Variants in CALD1 observed in about 807,000 individuals in gnomAD.
The protein encoded by CALD1 is caldesmon 1.
CALD1 carries 33 observed loss-of-function variants against 99.9 expected under a neutral mutation model. The ratio of observed to expected loss-of-function variants is 0.33; its 90% CI spans 0.25 to 0.44. The LOEUF (loss-of-function observed/expected upper bound fraction) is 0.44. Among genes scored for constraint, CALD1 ranks in the 20% least tolerant of loss-of-function variants. The probability of loss-of-function intolerance (pLI) is 1.00; values close to 1 mark genes in which losing one functional copy is unlikely to be tolerated. For missense variants in CALD1, 861 were observed against 962.1 expected, an observed-to-expected ratio of 0.89 and a Z score of 1.39; for synonymous variants, 310 against 325.0, an observed-to-expected ratio of 0.95 and a Z score of 0.50.
At chr7:134,947,166 A>T (rs60609491) in intron 7 of CALD1, among the ~76,000 whole-genome samples, 7,219 of 152,280 alleles carry the variant, frequency 0.047, 560 homozygotes, top group African/African-American at 0.16. Context: ...TTCTTTTAGA[A>T]GTGTATCAGA....
chr7:134,921,167 T>G (rs968573765), intron 3 of CALD1, among the ~76,000 whole-genome samples: 2 of 152,220 alleles, frequency 1.3e-5, no homozygotes, highest in Non-Finnish European at 2.9e-5. Context: ...CACCAAGTAT[T>G]TTCTGTAGTC....
chr7:134,759,247 G>A lies in CALD1; in HGVS notation c.-130+14884G>A, dbSNP rs528322835. 2.6e-5 allele frequency among the ~76,000 whole-genome samples: 4 copies of A among 152,254 alleles called. 1 individual carries two copies. The South Asian group carries it at 8.3e-4, about 32-fold the overall frequency. On this transcript the variant is annotated intron_variant, in intron 1 of 13. Transcript: ENST00000417172. Reference sequence around the variant, plus strand: ...GATGCTCTCTTCTGGGCACTGCAGAGTTCATGAGAAAAAAATAGATCTGTC... The same window carrying A: ...GATGCTCTCTTCTGGGCACTGCAGAATTCATGAGAAAAAAATAGATCTGTC...
intron 3 of CALD1, among the ~76,000 whole-genome samples, chr7:134,910,615 A>T (rs940076118): frequency 2.0e-5 from 3 of 152,218 alleles, no homozygotes; most frequent in South Asian, 4.2e-4. Context: ...GGCCAATCAC[A>T]TGACAATAAA....
At chr7:134,807,871 A>G (rs1004327050) in intron 1 of CALD1, among the ~76,000 whole-genome samples, 3 of 151,444 alleles carry the variant, frequency 2.0e-5, no homozygotes, top group African/African-American at 7.3e-5. Flanking sequence ...CAGGTGATCC[A>G]CCTGCCTCGG....
At chr7:134,856,708 GTCTC>G (rs3839675) in intron 2 of CALD1, among the ~76,000 whole-genome samples, 73,205 of 151,544 alleles carry the variant, frequency 0.48, 18,369 homozygotes, top group East Asian at 0.77. Context: ...AAATCGAAAT[GTCTC>G]TCTAAGACCA....
At chr7:134,723,282 AT>A in the CALD1 span, among the ~76,000 whole-genome samples, 1 of 152,216 alleles carries the variant, frequency 6.6e-6, no homozygotes, top group African/African-American at 2.4e-5. Flanking sequence ...CAGTTTCTGC[AT>A]CTTGGCCTAG....
chr7:134,903,394 C>T (rs11971636), intron 3 of CALD1, among the ~76,000 whole-genome samples: 5,154 of 152,080 alleles, frequency 0.034, 140 homozygotes, highest in Non-Finnish European at 0.049. Context: ...GTGTGTGAGA[C>T]GGAATATATG....
chr7:134,849,967 G>T (rs1230066315), intron 2 of CALD1, among the ~76,000 whole-genome samples: 1 of 152,202 alleles, frequency 6.6e-6, no homozygotes, highest in Admixed American at 6.5e-5. Flanking sequence ...AGATGATTTA[G>T]CATCGTGTCT....
intron 1 of CALD1, among the ~76,000 whole-genome samples, chr7:134,774,561 G>T (rs1289924671): frequency 6.6e-6 from 1 of 152,198 alleles, no homozygotes; most frequent in African/African-American, 2.4e-5. Flanking sequence ...CTGGTTGTGT[G>T]GGGTAGAGGA....
intron 3 of CALD1, among the ~76,000 whole-genome samples, chr7:134,894,333 T>C (rs1005510383): frequency 6.6e-6 from 1 of 152,218 alleles, no homozygotes; most frequent in Admixed American, 6.5e-5. Flanking sequence ...TCCCAATAAA[T>C]GGCAATTCAC....
chr7:134,722,843 T>C, the CALD1 span, among the ~76,000 whole-genome samples: 3 of 152,158 alleles, frequency 2.0e-5, no homozygotes, highest in Non-Finnish European at 2.9e-5. Context: ...TTCTATTAGA[T>C]ATATAGTGGA....
At chr7:134,939,049 C>T (rs1806222378) in intron 6 of CALD1, among the ~76,000 whole-genome samples, 1 of 152,240 alleles carries the variant, frequency 6.6e-6, no homozygotes, top group East Asian at 1.9e-4. Context: ...GTTTCCCTCA[C>T]ATTTGGAGCC....
At chr7:134,910,161 T>G (rs1183132790) in intron 3 of CALD1, among the ~76,000 whole-genome samples, 1 of 152,240 alleles carries the variant, frequency 6.6e-6, no homozygotes, top group Non-Finnish European at 1.5e-5. Context: ...TTAAGATGTC[T>G]GGAACTAAAA....
chr7:134,884,500 T>C lies in CALD1; in HGVS notation c.71+16696T>C, dbSNP rs138094824. On this transcript the variant is annotated intron_variant, in intron 3 of 14. Transcript: ENST00000361675. ...CTCCAGGCACTGAAGATGGAGAGCATTTATTCTATCTTAATTGGCACTAGA... is the reference window on the plus strand; with the variant it reads ...CTCCAGGCACTGAAGATGGAGAGCACTTATTCTATCTTAATTGGCACTAGA... 2.2e-4 allele frequency among the ~76,000 whole-genome samples: 34 copies of C among 152,144 alleles called. No homozygotes were observed. In the East Asian group the frequency reaches 6.4e-3, roughly 29 times the overall value.
rs374609900 is a variant in CALD1, at chr7:134,881,517, A to T, written c.71+13713A>T. ...GAAAATTAAGCAAGATACAGAAAAA[A>T]TGTCATCGAAAGTATAAAGGGTAAT... On this transcript the variant is annotated intron_variant, in intron 3 of 14. Coordinates refer to ENST00000361675, the MANE Select transcript of CALD1 (RefSeq NM_033138.4). Among the ~76,000 whole-genome samples, 12 of 113,258 alleles carry T rather than the reference A, an allele frequency of 1.1e-4. No individual in the cohort carries two copies. In the East Asian group the frequency reaches 1.9e-3, roughly 18 times the overall value. The allele number at this position is 113,258 out of a possible 152,430, so 74.3% of individuals were successfully genotyped here.
chr7:134,839,560 T>C (rs560614535), intron 1 of CALD1, among the ~76,000 whole-genome samples: 1 of 152,320 alleles, frequency 6.6e-6, no homozygotes, highest in South Asian at 2.1e-4. Flanking sequence ...CTCACCACCA[T>C]TTTGATTTAT....
At chr7:134,828,218 C>G (rs867286438) in intron 1 of CALD1, among the ~76,000 whole-genome samples, 2 of 152,164 alleles carry the variant, frequency 1.3e-5, no homozygotes, top group African/African-American at 2.4e-5. Context: ...ATGAGTAGGT[C>G]CTCTGCACCA....
At position 134,753,017 on chromosome 7, in the gene CALD1, A is replaced by T. The variant is rs1254901596; in HGVS notation, c.-130+8654A>T. Among the ~76,000 whole-genome samples, 9 of 98,898 alleles carry T rather than the reference A, an allele frequency of 9.1e-5. No individual in the cohort carries two copies. The Admixed American group carries it at 9.3e-4, about 10-fold the overall frequency. The allele number at this position is 98,898 out of a possible 152,430, so 64.9% of individuals were successfully genotyped here. A position where few individuals can be genotyped will look rare whatever the true frequency, so the allele number is the denominator to read the frequency against. On this transcript the variant is annotated intron_variant, in intron 1 of 13. Coordinates refer to the CALD1 transcript ENST00000417172. Reference sequence around the variant, plus strand: ...AGAACGAGACTCTGTATCGAAAAAAAAAAAACAAAAAAAAACAAAAAAAAA... The same window carrying T: ...AGAACGAGACTCTGTATCGAAAAAATAAAAACAAAAAAAAACAAAAAAAAA...
intron 3 of CALD1, chr7:134,900,077 C>A (rs1802881648): frequency 6.6e-6 from 1 of 152,118 alleles, no homozygotes; most frequent in Non-Finnish European, 1.5e-5. Context: ...AAAATAAAAA[C>A]AAAACTATAT....
Sources: gnomAD v4.1 joint callset for allele counts (sites outside exome capture counted in the v4.1 genomes callset) on GRCh38, gnomAD v4.1.1 for gene constraint, MANE v1.5 for transcripts, NCBI Gene and HGNC (gene_info 2026-07-23, HGNC 2026-07-21) for gene names.